The following SLC25A12 variants were observed in gnomAD, a reference collection of about 807,000 sequenced individuals.
The protein encoded by SLC25A12 is solute carrier family 25 member 12, also known as electrogenic aspartate/glutamate antiporter SLC25A12, mitochondrial.
Under a neutral mutation model 83.3 loss-of-function variants are expected in SLC25A12, and 32 were observed. That is an observed-to-expected ratio of 0.38 (90% CI 0.29 to 0.52). The LOEUF (loss-of-function observed/expected upper bound fraction) is 0.52, where lower values mean the gene tolerates loss of function less well. SLC25A12 is among the 20% of genes least tolerant of loss of function. The pLI, the probability that SLC25A12 is intolerant of heterozygous loss-of-function variation, is 0.84. For synonymous variants in SLC25A12, 267 were observed against 291.1 expected, an observed-to-expected ratio of 0.92 and a Z score of 0.84; for missense variants, 611 against 835.6, an observed-to-expected ratio of 0.73 and a Z score of 3.31.
At chr2:171,872,495 T>A (rs1278118960) in intron 2 of SLC25A12, among the ~76,000 whole-genome samples, 1 of 152,080 alleles carries the variant, frequency 6.6e-6, no homozygotes, top group East Asian at 1.9e-4. Flanking sequence ...GGAAGACCGC[T>A]GCAACTGGAA....
chr2:171,791,778 G>A (rs1229585629), intron 14 of SLC25A12, among the ~76,000 whole-genome samples, 189 bp from the exon 15 acceptor site: 38 of 152,158 alleles, frequency 2.5e-4, no homozygotes, highest in Admixed American at 2.5e-3. Context: ...GTGGGGAATA[G>A]GGAAATCTGC....
intron 13 of SLC25A12, among the ~76,000 whole-genome samples, chr2:171,795,451 G>C (rs1683578604): frequency 6.6e-6 from 1 of 152,228 alleles, no homozygotes; most frequent in Admixed American, 6.5e-5. Context: ...AATTGCTCCT[G>C]TAGCTAGTAT....
intron 1 of SLC25A12, among the ~76,000 whole-genome samples, chr2:171,893,787 T>C (rs893182527): frequency 3.9e-5 from 6 of 152,154 alleles, no homozygotes; most frequent in African/African-American, 1.4e-4. Flanking sequence ...ACCACTGCCC[T>C]CGGCCTTATT....
chr2:171,867,155 A>G (rs1685346453), intron 3 of SLC25A12, among the ~76,000 whole-genome samples: 1 of 137,606 alleles, frequency 7.3e-6, no homozygotes, highest in Non-Finnish European at 1.5e-5. Flanking sequence ...CAGACTGGGC[A>G]GCCAGGCAGA....
In SLC25A12 at chr2:171,810,379, T is replaced by G. The variant is rs1683923638; in HGVS notation, c.1172-103A>C. The G allele has an allele frequency of 6.6e-6, 6 of 915,336 alleles. No individual in the cohort carries two copies. In the Admixed American group the frequency reaches 6.8e-5, roughly 10 times the overall value. 56.7% of individuals were successfully genotyped at this position (915,336 alleles called of 1,614,324 possible). On this transcript the variant is annotated intron_variant, in intron 11 of 17. Transcript: ENST00000422440. ...CCCATATTATTTACCCATCAAACAT[T>G]GCAGAGTTTTCATTAAAATGGGAAA...
Position 171,893,700 on chromosome 2 carries a change from C to T in SLC25A12, c.13-442G>A, listed in dbSNP as rs1028213158. ...ATGTAATTATCTCCGCGTCCCTCTCCCCATCCAACCTAAAATATGAGAGCT... is the reference window on the plus strand; with the variant it reads ...ATGTAATTATCTCCGCGTCCCTCTCTCCATCCAACCTAAAATATGAGAGCT... On this transcript the variant is annotated intron_variant, in intron 1 of 17. Transcript: ENST00000422440. Among the ~76,000 whole-genome samples the T allele has an allele frequency of 2.6e-5, 4 of 152,162 alleles. No homozygotes were observed. The South Asian group carries it at 8.3e-4, about 32-fold the overall frequency.
chr2:171,791,390 A>G (rs1683454431), intron 15 of SLC25A12, 61 bp downstream of exon 15: 14 of 1,340,000 alleles, frequency 1.0e-5, no homozygotes, highest in Admixed American at 1.7e-5. Flanking sequence ...AAGTACATAG[A>G]GATTCTGTAC....
chr2:171,807,452 T>A (rs2105856078), intron 13 of SLC25A12, among the ~76,000 whole-genome samples: 1 of 152,232 alleles, frequency 6.6e-6, no homozygotes, highest in Non-Finnish European at 1.5e-5. Context: ...ACCACTTAGG[T>A]CACATGTCAG....
chr2:171,785,768 G>A (rs1690477106), intron 17 of SLC25A12, among the ~76,000 whole-genome samples: 1 of 152,116 alleles, frequency 6.6e-6, no homozygotes, highest in East Asian at 1.9e-4. Flanking sequence ...CAAATATGAA[G>A]ACTCTCTGGG....
At position 171,783,421 on chromosome 2, in the gene SLC25A12, C is replaced by T. The variant is rs1257388369; in HGVS notation, c.*1853G>A. Reference sequence around the variant, plus strand: ...TACTATGCAGCCATTAAAAATAAAACTTTATAAACTGACATGGAAAGATAT... The same window carrying T: ...TACTATGCAGCCATTAAAAATAAAATTTTATAAACTGACATGGAAAGATAT... On this transcript the variant is annotated 3_prime_UTR_variant, in exon 18 of 18. Transcript: ENST00000422440. Among the ~76,000 whole-genome samples the T allele has an allele frequency of 2.0e-5, 3 of 152,082 alleles. No individual in the cohort carries two copies. Among genetic ancestry groups the T allele is most frequent in the Admixed American group, 6.5e-5 (1 of 15,268 alleles).
chr2:171,821,120 C>G (rs1684183028), intron 9 of SLC25A12, among the ~76,000 whole-genome samples: 1 of 144,422 alleles, frequency 6.9e-6, no homozygotes, highest in Non-Finnish European at 1.5e-5. Context: ...ACCTCTACCT[C>G]CTGGGTTCAA....
At chr2:171,878,720 ATGAC>A (rs1685622519) in intron 2 of SLC25A12, among the ~76,000 whole-genome samples, 1 of 152,240 alleles carries the variant, frequency 6.6e-6, no homozygotes, top group African/African-American at 2.4e-5. Context: ...AGTAATTCAA[ATGAC>A]AATATCATGA....
At chr2:171,815,026 G>A (rs769861809) in intron 10 of SLC25A12, 95 bp downstream of exon 10, 1 of 995,272 alleles carries the variant, frequency 1.0e-6, no homozygotes, top group South Asian at 1.3e-5. Context: ...TGACCCATGG[G>A]AACAATGAAC....
chr2:171,791,336 C>T (rs1683453583), intron 15 of SLC25A12, 115 bp downstream of exon 15: 4 of 906,996 alleles, frequency 4.4e-6, no homozygotes, highest in Non-Finnish European at 7.3e-6. Context: ...GATATTTAAA[C>T]TAAGTCAGGT....
chr2:171,798,831 T>C (rs1683652816), intron 13 of SLC25A12, among the ~76,000 whole-genome samples: 1 of 152,120 alleles, frequency 6.6e-6, no homozygotes, highest in Non-Finnish European at 1.5e-5. Context: ...CTAACTAGGG[T>C]AAGGGAAGTG....
chr2:171,853,974 C>T (rs1684991699), intron 4 of SLC25A12, among the ~76,000 whole-genome samples: 1 of 152,210 alleles, frequency 6.6e-6, no homozygotes, highest in Non-Finnish European at 1.5e-5. Flanking sequence ...ATTCTTAATG[C>T]ACACAGGATA....
rs1690454354 is a variant in SLC25A12 at position 171,784,669 on chromosome 2, C to G, written c.*605G>C. The G allele has an allele frequency of 6.0e-6, 1 of 166,446 alleles. No individual in the cohort carries two copies. The highest frequency in any genetic ancestry group is 1.3e-5 in the Non-Finnish European group (1 of 75,882). The allele number at this position is 166,446 out of a possible 1,614,324, so 10.3% of individuals were successfully genotyped here. A position where few individuals can be genotyped will look rare whatever the true frequency, so the allele number is the denominator to read the frequency against. On this transcript the variant is annotated 3_prime_UTR_variant, in exon 18 of 18. Transcript: ENST00000422440. ...TGGTCCTCTGGCATCCACTGGCATG[C>G]ATCTTTCCAAAGTATCACTTATTCA... is the stretch of plus-strand genomic sequence containing the variant.
chr2:171,864,635 T>C (rs1367544707), intron 3 of SLC25A12, among the ~76,000 whole-genome samples: 1 of 152,200 alleles, frequency 6.6e-6, no homozygotes, highest in Non-Finnish European at 1.5e-5. Flanking sequence ...TAATGTTTCA[T>C]GCCGTTCCTG....
At chr2:171,822,157 T>C (rs1412832632) in intron 9 of SLC25A12, among the ~76,000 whole-genome samples, 1 of 152,234 alleles carries the variant, frequency 6.6e-6, no homozygotes, top group Non-Finnish European at 1.5e-5. Flanking sequence ...CCCATCCCCT[T>C]CTACCTAATG....
Sources: gnomAD v4.1 joint callset for allele counts (sites outside exome capture counted in the v4.1 genomes callset) on GRCh38, gnomAD v4.1.1 for gene constraint, MANE v1.5 for transcripts, NCBI Gene and HGNC (gene_info 2026-07-23, HGNC 2026-07-21) for gene names.